The following PPP6R2 variants were observed in gnomAD, a reference collection of about 807,000 sequenced individuals.
PPP6R2 encodes the protein serine/threonine-protein phosphatase 6 regulatory subunit 2.
In PPP6R2, 62 loss-of-function variants were observed where a neutral mutation model predicts 100.2. The ratio of observed to expected loss-of-function variants is 0.62; its 90% confidence interval spans 0.50 to 0.76. The LOEUF (loss-of-function observed/expected upper bound fraction) is 0.76, where lower values mean the gene tolerates loss of function less well. PPP6R2 is among the 30% of genes least tolerant of loss of function. PPP6R2 has a pLI of 0.00. For missense variants in PPP6R2, 1,142 were observed against 1,276.3 expected (o/e 0.89, Z 1.60); for synonymous variants, 525 against 514.7 (o/e 1.02, Z -0.27).
intron 1 of PPP6R2, among the ~76,000 whole-genome samples, chr22:50,354,691 T>C (rs1243711660): frequency 6.6e-6 from 1 of 151,698 alleles, no homozygotes; most frequent in African/African-American, 2.4e-5. Context: ...CCGGGCATGG[T>C]GGCAAGCGCC....
chr22:50,356,246 G>A (rs771597101), intron 1 of PPP6R2, among the ~76,000 whole-genome samples: 1 of 150,440 alleles, frequency 6.6e-6, no homozygotes, highest in East Asian at 1.9e-4. Flanking sequence ...TTACAGGTGC[G>A]AGCCACCACG....
At chr22:50,356,438 G>T (rs2046604113) in intron 1 of PPP6R2, among the ~76,000 whole-genome samples, 1 of 151,772 alleles carries the variant, frequency 6.6e-6, no homozygotes, top group South Asian at 2.1e-4. Flanking sequence ...AAGTAGCTGG[G>T]ACTGCAGGTA....
chr22:50,438,705 G>A lies in PPP6R2; in HGVS notation c.2071G>A (p.Gly691Ser), dbSNP rs1421632552. 16 of 1,613,518 alleles carry A rather than the reference G, an allele frequency of 9.9e-6. No individual in the cohort carries two copies. Among genetic ancestry groups the A allele is most frequent in the African/African-American group, 1.3e-5 (1 of 74,930 alleles). The change falls in exon 19 of 24, where the codon GGT (glycine) becomes AGT (serine). Residue 691 changes from glycine to serine, a missense_variant. Around this residue, in one of 2 missense-constraint regions of PPP6R2, gnomAD observed 550 missense variants for 517.4 expected, o/e 1.06. Coordinates refer to ENST00000612753, the MANE Select transcript of PPP6R2 (RefSeq NM_001242898.2). The part of the protein sequence containing the change: ...LEAHRDAPGA[G>S]APPAPGKKEA... ...AGCACACAGAGATGCACCTGGGGCA[G>A]GTGCCCCACCGGCCCCCGGGAAGAA...
At chr22:50,430,506 G>T (rs897359111) in intron 10 of PPP6R2, among the ~76,000 whole-genome samples, 2 of 152,202 alleles carry the variant, frequency 1.3e-5, no homozygotes, top group Admixed American at 6.5e-5. Context: ...AAAGTTGATT[G>T]TATACAGGGA....
chr22:50,405,346 A>AG (rs2058691381), intron 3 of PPP6R2, among the ~76,000 whole-genome samples: 4 of 68,630 alleles, frequency 5.8e-5, no homozygotes, highest in Non-Finnish European at 6.4e-5. Flanking sequence ...GGCGAGTGTG[A>AG]AGGCCTGGAG....
upstream of PPP6R2, among the ~76,000 whole-genome samples, chr22:50,340,111 GGT>G (rs2042355542): frequency 1.5e-5 from 2 of 137,556 alleles, no homozygotes; most frequent in Non-Finnish European, 1.6e-5. Context: ...TGTGGTATGT[GGT>G]GTGTGTACAG....
upstream of PPP6R2, chr22:50,343,206 G>C (rs1190425079): frequency 6.6e-6 from 1 of 151,464 alleles, no homozygotes; most frequent in Middle Eastern, 3.4e-3. Flanking sequence ...CCCCACTCCA[G>C]GGGGCCCGGA....
upstream of PPP6R2, among the ~76,000 whole-genome samples, chr22:50,338,851 G>GTT (rs2042334493): frequency 7.2e-6 from 1 of 139,506 alleles, no homozygotes. Context: ...TGTGGTGTGT[G>GTT]GTGTGTGATG....
Position 50,444,011 on chromosome 22 carries a change from C to G in PPP6R2, c.2725C>G (p.Pro909Ala), listed in dbSNP as rs377133012. The G allele has an allele frequency of 5.6e-6, 9 of 1,613,360 alleles. No individual in the cohort carries two copies. Among genetic ancestry groups the G allele is most frequent in the Non-Finnish European group, 7.6e-6 (9 of 1,179,992 alleles). ...CAAGGCTGGCCCCGCCATACCCACC[C>G]CAGCAGTCTCTTCTGCACTGGCCGT... Reference protein sequence around the residue: ...LSKAGPAIPTPAVSSALAVAV... With the variant: ...LSKAGPAIPTAAVSSALAVAV... Residue 909 changes from proline (P) to alanine (A), a missense_variant, in exon 23 of 24, where the codon CCA (proline) becomes GCA (alanine). Pro to Ala is a conservative substitution (Grantham distance 27). Around this residue, in one of 2 missense-constraint regions of PPP6R2, gnomAD observed 550 missense variants for 517.4 expected, o/e 1.06. Coordinates refer to ENST00000612753, the MANE Select transcript of PPP6R2 (RefSeq NM_001242898.2).
In PPP6R2 at chr22:50,414,573, A is replaced by G; in HGVS notation, c.436A>G (p.Lys146Glu). The G allele has an allele frequency of 6.2e-7, 1 of 1,613,990 alleles. No individual in the cohort carries two copies. Among genetic ancestry groups the G allele is most frequent in the Non-Finnish European group, 8.5e-7 (1 of 1,179,938 alleles). ...TEQVITFLKK[K>E]DKFISLVLKH... ...TCAGGTGATTACGTTTTTGAAGAAG[A>G]AGGACAAGTTCATCAGCCTGGTGTT... is the stretch of plus-strand genomic sequence containing the variant. The change falls in exon 5 of 24, where the codon AAG becomes GAG. Residue 146 changes from lysine to glutamate, a missense_variant. Physicochemically the swap from Lys to Glu is moderately conservative, Grantham distance 56. Around this residue, in one of 2 missense-constraint regions of PPP6R2, gnomAD observed 592 missense variants for 758.9 expected, o/e 0.78. Coordinates refer to ENST00000612753, the MANE Select transcript of PPP6R2 (RefSeq NM_001242898.2).
chr22:50,384,052 AAAG>A (rs1325837984), intron 2 of PPP6R2, among the ~76,000 whole-genome samples: 3 of 151,646 alleles, frequency 2.0e-5, no homozygotes, highest in East Asian at 1.9e-4. Context: ...AAAAAAAAAA[AAAG>A]AAGGATGAAC....
chr22:50,429,776 C>T (rs771325281), intron 10 of PPP6R2, among the ~76,000 whole-genome samples: 5 of 152,140 alleles, frequency 3.3e-5, no homozygotes, highest in Non-Finnish European at 7.3e-5. Flanking sequence ...CCATCTGGTA[C>T]GGGCTTTTTG....
At chr22:50,436,251 C>T in intron 13 of PPP6R2, 116 bp from the exon 14 acceptor site, 1 of 876,482 alleles carries the variant, frequency 1.1e-6, no homozygotes, top group Non-Finnish European at 1.8e-6. Flanking sequence ...ACGGGCTGAC[C>T]ACAGTAGCAG....
At chr22:50,440,079 G>A (rs1431462494) in intron 21 of PPP6R2, 30 bp downstream of exon 21, 2 of 1,584,736 alleles carry the variant, frequency 1.3e-6, no homozygotes, top group Admixed American at 1.7e-5. Context: ...GCGGCACCCA[G>A]CCTTGCCCAG....
At chr22:50,420,424 TG>T (rs1192265176) in intron 8 of PPP6R2, among the ~76,000 whole-genome samples, 1 of 152,190 alleles carries the variant, frequency 6.6e-6, no homozygotes, top group Non-Finnish European at 1.5e-5. Context: ...CGACAGTGAA[TG>T]GGCAGAGACA....
At chr22:50,337,700 T>C in the PPP6R2 span, among the ~76,000 whole-genome samples, 1 of 137,284 alleles carries the variant, frequency 7.3e-6, no homozygotes, top group African/African-American at 2.9e-5. Flanking sequence ...GTGTGGTGTG[T>C]GTGCGGTGTG....
At position 50,443,946 on chromosome 22, in the gene PPP6R2, T is replaced by G. The variant is rs1169642581; in HGVS notation, c.2660T>G (p.Val887Gly). 6.2e-7 allele frequency: 1 copy of G among 1,610,032 alleles called. No homozygotes were observed. Among genetic ancestry groups the G allele is most frequent in the African/African-American group, 1.3e-5 (1 of 74,870 alleles). Residue 887 changes from valine (V) to glycine (G), a missense_variant, in exon 23 of 24, where the codon GTG (valine) becomes GGG (glycine). By Grantham distance (109) the Val-to-Gly change is moderately radical. Around this residue, in one of 2 missense-constraint regions of PPP6R2, gnomAD observed 550 missense variants for 517.4 expected, o/e 1.06. Transcript: ENST00000612753. Reference sequence around the variant, plus strand: ...GTGACTGCTGCCCCAGCCGTGGCTGTGCCCCCCGAGGCTACTGTGGCCATC... The same window carrying G: ...GTGACTGCTGCCCCAGCCGTGGCTGGGCCCCCCGAGGCTACTGTGGCCATC... ...KEVTAAPAVA[V>G]PPEATVAITT... is the part of the protein sequence containing the mutation.
chr22:50,432,286 G>T lies in PPP6R2; in HGVS notation c.1357G>T (p.Val453Leu). 6.5e-7 allele frequency: 1 copy of T among 1,550,034 alleles called. No individual in the cohort carries two copies. Among genetic ancestry groups the T allele is most frequent in the Non-Finnish European group, 8.7e-7 (1 of 1,147,200 alleles). Residue 453 changes from valine (V) to leucine (L), a missense_variant, in exon 12 of 24, where the codon GTG (valine) becomes TTG (leucine). This residue lies in a region of PPP6R2 where 592 missense variants were observed against 758.9 expected (regional missense o/e 0.78). Coordinates refer to ENST00000612753, the MANE Select transcript of PPP6R2 (RefSeq NM_001242898.2). Reference sequence around the variant, plus strand: ...CCAGCTGTTCCAGAAGTGCTGCCTGGTGCAGAGGATCCTGGAGGCCTGGGA... The same window carrying T: ...CCAGCTGTTCCAGAAGTGCTGCCTGTTGCAGAGGATCCTGGAGGCCTGGGA... ...VTHLFQKCCL[V>L]QRILEAWEAN...
At chr22:50,435,577 G>A (rs888629832) in intron 13 of PPP6R2, among the ~76,000 whole-genome samples, 1 of 151,888 alleles carries the variant, frequency 6.6e-6, no homozygotes, top group Non-Finnish European at 1.5e-5. Context: ...CACAGCACAT[G>A]TGTGGCAGAG....
Sources: allele counts gnomAD v4.1 joint callset (sites outside exome capture counted in the v4.1 genomes callset), GRCh38; gene constraint gnomAD v4.1.1; regional missense constraint gnomAD v4.1.1; transcripts MANE v1.5; gene names NCBI Gene and HGNC (gene_info 2026-07-23, HGNC 2026-07-21).